The following CARMIL1 variants were observed in gnomAD, a reference collection of about 807,000 sequenced individuals.
The protein encoded by CARMIL1 is F-actin-uncapping protein LRRC16A.
A neutral mutation model predicts 177.1 loss-of-function variants in CARMIL1; 90 were observed. That is an observed-to-expected ratio of 0.51 (90% CI 0.43 to 0.61). The LOEUF (loss-of-function observed/expected upper bound fraction) is 0.61, where lower values mean the gene tolerates loss of function less well. Among genes scored for constraint, CARMIL1 ranks in the 20% least tolerant of loss-of-function variants. CARMIL1 has a pLI of 0.00. For synonymous variants in CARMIL1, 577 were observed against 606.2 expected (o/e 0.95, Z 0.71); for missense variants, 1,380 against 1,667.0 (o/e 0.83, Z 3.00).
At chr6:25,609,510 A>G (rs6903765) in intron 35 of CARMIL1, among the ~76,000 whole-genome samples, 42,806 of 150,612 alleles carry the variant, frequency 0.28, 6,082 homozygotes, top group Non-Finnish European at 0.3. Flanking sequence ...CTAGCTATTT[A>G]GTCATCTTTT....
At chr6:25,290,596 A>C (rs1781873537) in intron 2 of CARMIL1, among the ~76,000 whole-genome samples, 1 of 151,864 alleles carries the variant, frequency 6.6e-6, no homozygotes, top group African/African-American at 2.4e-5. Context: ...GGGTTACATC[A>C]TCTTTGCCAA....
At chr6:25,392,317 A>G in intron 2 of CARMIL1, among the ~76,000 whole-genome samples, 1 of 152,280 alleles carries the variant, frequency 6.6e-6, no homozygotes, top group South Asian at 2.1e-4. Context: ...AAAAGAGTTC[A>G]CTTCTTTCCA....
At chr6:25,592,993 T>C (rs938879125) in intron 31 of CARMIL1, among the ~76,000 whole-genome samples, 11 of 152,240 alleles carry the variant, frequency 7.2e-5, no homozygotes, top group Non-Finnish European at 1.5e-4. Context: ...TATAGCTTTC[T>C]GATAGCTTCT....
intron 35 of CARMIL1, among the ~76,000 whole-genome samples, chr6:25,607,649 T>A (rs574250742): frequency 2.6e-5 from 4 of 152,352 alleles, no homozygotes; most frequent in African/African-American, 9.6e-5. Context: ...AATTTATCAA[T>A]GTGCAGATGG....
intron 2 of CARMIL1, among the ~76,000 whole-genome samples, chr6:25,397,630 A>G (rs1334610713): frequency 6.6e-6 from 1 of 152,172 alleles, no homozygotes; most frequent in African/African-American, 2.4e-5. Context: ...TTGACACATG[A>G]GGGTTTTCAG....
At position 25,565,992 on chromosome 6, in the gene CARMIL1, C is replaced by G. The variant is rs138979194; in HGVS notation, c.2742+9142C>G. ...CCCCCTTTCCCTCCCTAAGGCTTCA[C>G]CATCAGCTTTGTGACTTTCTATTTC... On this transcript the variant is annotated intron_variant, in intron 29 of 36. Coordinates refer to ENST00000329474, the MANE Select transcript of CARMIL1 (RefSeq NM_017640.6). Among the ~76,000 whole-genome samples the G allele has an allele frequency of 1.7e-4, 26 of 152,320 alleles. 1 individual carries two copies. Among genetic ancestry groups the G allele is most frequent in the African/African-American group, 5.8e-4 (24 of 41,572 alleles).
chr6:25,301,589 A>G (rs1006222547), intron 2 of CARMIL1, among the ~76,000 whole-genome samples: 1 of 152,148 alleles, frequency 6.6e-6, no homozygotes, highest in African/African-American at 2.4e-5. Context: ...TTGAATATAT[A>G]ACTATATTAG....
rs188227156 is a variant in CARMIL1 at position 25,493,626 on chromosome 6, C to T, written c.1221-1485C>T. ...TCATGGCGGTGCACATACTGGCTCC[C>T]AAGGCTTCTCTCTGGAAGTCATACA... is the stretch of plus-strand genomic sequence containing the variant. On this transcript the variant is annotated intron_variant, in intron 15 of 36. Coordinates refer to ENST00000329474, the MANE Select transcript of CARMIL1 (RefSeq NM_017640.6). Among the ~76,000 whole-genome samples the T allele has an allele frequency of 8.5e-5, 13 of 152,250 alleles. No homozygotes were observed. In the East Asian group the frequency reaches 1.4e-3, roughly 16 times the overall value.
At chr6:25,418,540 A>C in intron 2 of CARMIL1, among the ~76,000 whole-genome samples, 1 of 107,412 alleles carries the variant, frequency 9.3e-6, no homozygotes, top group African/African-American at 3.1e-5. Flanking sequence ...CCAAGGCCTT[A>C]GGAGGGTGTA....
intron 28 of CARMIL1, among the ~76,000 whole-genome samples, chr6:25,555,706 C>CT (rs1425378986): frequency 3.9e-5 from 6 of 152,028 alleles, no homozygotes; most frequent in Non-Finnish European, 5.9e-5. Context: ...CTAGAGCATC[C>CT]TTTTAAAATA....
intron 2 of CARMIL1, among the ~76,000 whole-genome samples, chr6:25,288,199 G>A (rs1781669077): frequency 6.6e-6 from 1 of 152,184 alleles, no homozygotes; most frequent in Non-Finnish European, 1.5e-5. Flanking sequence ...ACATGTTCTG[G>A]ACAAAGGGAA....
chr6:25,479,056 T>C, intron 11 of CARMIL1: 1 of 511,764 alleles, frequency 2.0e-6, no homozygotes, highest in Non-Finnish European at 3.9e-6. Flanking sequence ...ACATCCACAA[T>C]GTTCCAATGT....
chr6:25,503,974 G>A (rs1804678134), intron 17 of CARMIL1, among the ~76,000 whole-genome samples: 1 of 152,100 alleles, frequency 6.6e-6, no homozygotes, highest in African/African-American at 2.4e-5. Context: ...CTCCGTAAGA[G>A]CTCAATGCAT....
intron 36 of CARMIL1, among the ~76,000 whole-genome samples, chr6:25,611,349 A>G (rs1044450868): frequency 6.6e-6 from 1 of 152,230 alleles, no homozygotes; most frequent in Non-Finnish European, 1.5e-5. Flanking sequence ...TACATGAGGT[A>G]AATAAATACA....
chr6:25,368,028 G>A (rs1356114919), intron 2 of CARMIL1, among the ~76,000 whole-genome samples: 2 of 152,148 alleles, frequency 1.3e-5, no homozygotes, highest in Admixed American at 1.3e-4. Context: ...CCAAAGTGTT[G>A]GGATTACAGG....
chr6:25,580,104 G>C (rs543902389), intron 29 of CARMIL1, among the ~76,000 whole-genome samples: 17 of 152,244 alleles, frequency 1.1e-4, no homozygotes, highest in African/African-American at 3.4e-4. Context: ...TCCTCACTGG[G>C]TTCTGTCCAT....
intron 2 of CARMIL1, among the ~76,000 whole-genome samples, chr6:25,288,001 G>C (rs555168746): frequency 1.1e-4 from 16 of 152,212 alleles, no homozygotes; most frequent in Non-Finnish European, 2.2e-4. Flanking sequence ...TTACAGTCTA[G>C]TTGGGGAGGT....
chr6:25,332,078 G>T (rs1785679575), intron 2 of CARMIL1, among the ~76,000 whole-genome samples: 1 of 152,062 alleles, frequency 6.6e-6, no homozygotes, highest in Admixed American at 6.6e-5. Flanking sequence ...GCCCAGGCTG[G>T]CCTTGAACTC....
chr6:25,289,632 A>G (rs1277179334), intron 2 of CARMIL1, among the ~76,000 whole-genome samples: 1 of 152,242 alleles, frequency 6.6e-6, no homozygotes, highest in Non-Finnish European at 1.5e-5. Context: ...CCTGGTAGCC[A>G]CTAATCTGTT....
Sources: allele counts gnomAD v4.1 joint callset (sites outside exome capture counted in the v4.1 genomes callset), GRCh38; gene constraint gnomAD v4.1.1; transcripts MANE v1.5; gene names NCBI Gene and HGNC (gene_info 2026-07-23, HGNC 2026-07-21).